RPS6KA3: variants seen among roughly 807,000 people sequenced by gnomAD.
RPS6KA3 encodes the protein ribosomal protein S6 kinase A3, also known as ribosomal protein S6 kinase alpha-3.
Under a neutral mutation model 67.2 loss-of-function variants are expected in RPS6KA3, and 4 were observed. That is an observed-to-expected ratio of 0.06 (90% CI 0.03 to 0.14). RPS6KA3 has a LOEUF of 0.14. Ranked by LOEUF, RPS6KA3 falls within the 10% of genes least tolerant of loss-of-function variation. The pLI, the probability that RPS6KA3 is intolerant of heterozygous loss-of-function variation, is 1.00. For synonymous variants in RPS6KA3, 182 were observed against 183.7 expected, an observed-to-expected ratio of 0.99 and a Z score of 0.07; for missense variants, 204 against 559.0, an observed-to-expected ratio of 0.36 and a Z score of 6.40.
chrX:20,178,862 A>C (rs1569207674), intron 10 of RPS6KA3, among the ~76,000 whole-genome samples: 1 of 109,945 alleles, frequency 9.1e-6, no homozygotes, highest in Non-Finnish European at 1.9e-5. Context: ...ATCTGGGGAA[A>C]CACTATTGTA....
chrX:20,162,760 T>C (rs2067337058), intron 19 of RPS6KA3, among the ~76,000 whole-genome samples: 1 of 110,995 alleles, frequency 9.0e-6, no homozygotes, highest in Non-Finnish European at 1.9e-5. Flanking sequence ...GGTGAGAGGA[T>C]TGCTTGAGCC....
At chrX:20,214,773 G>A (rs1235116409) in intron 2 of RPS6KA3, among the ~76,000 whole-genome samples, 2 of 109,338 alleles carry the variant, frequency 1.8e-5, no homozygotes, top group Non-Finnish European at 3.8e-5. Flanking sequence ...AATATTGTAC[G>A]TCTGAAATGG....
intron 3 of RPS6KA3, among the ~76,000 whole-genome samples, chrX:20,205,155 TA>T (rs1425083649): frequency 8.0e-5 from 9 of 112,480 alleles, no homozygotes; most frequent in Non-Finnish European, 1.3e-4. Flanking sequence ...GGTCATTCTA[TA>T]ACATGGCTAA....
rs201276916 is a variant in RPS6KA3, at chrX:20,187,866, T to C, written c.736A>G (p.Thr246Ala). The change falls in exon 9 of 22, where the codon ACT becomes GCT. Residue 246 changes from threonine to alanine, a missense_variant. Around this residue, in one of 4 missense-constraint regions of RPS6KA3, gnomAD observed 76 missense variants for 250.3 expected, o/e 0.30. Coordinates refer to ENST00000379565, the MANE Select transcript of RPS6KA3 (RefSeq NM_004586.3). ...APEVVNRRGH[T>A]QSADWWSFGV... ...AAAGACCACCAGTCAGCACTCTGAG[T>C]ATGACCTCGACGATTAACTACTTCT... is the stretch of plus-strand genomic sequence containing the variant. 8 of 1,206,674 alleles carry C rather than the reference T, an allele frequency of 6.6e-6. No individual in the cohort carries two copies. The highest frequency in any genetic ancestry group is 4.6e-4 in the Middle Eastern group (2 of 4,338).
chrX:20,245,125 C>CACTA (rs2069650221), intron 1 of RPS6KA3, among the ~76,000 whole-genome samples: 1 of 111,890 alleles, frequency 8.9e-6, no homozygotes, highest in African/African-American at 3.2e-5. Flanking sequence ...GAAAGTCTGC[C>CACTA]ACTAACTGTG....
At chrX:20,169,557 G>A in intron 15 of RPS6KA3, 66 bp from the exon 16 acceptor site, 2 of 666,427 alleles carry the variant, frequency 3.0e-6, no homozygotes, top group Non-Finnish European at 5.0e-6. Context: ...ATTGTTTATA[G>A]CTACAGACCT....
At position 20,240,285 on chromosome X, in the gene RPS6KA3, CTTTTTTTTT is replaced by C. The variant is rs778713587; in HGVS notation, c.70-5480_70-5472del. Among the ~76,000 whole-genome samples the C allele has an allele frequency of 4.6e-4, 25 of 54,364 alleles. 1 individual carries two copies. Among genetic ancestry groups the C allele is most frequent in the Admixed American group, 4.2e-3 (19 of 4,501 alleles). 47.2% of individuals were successfully genotyped at this position (54,364 alleles called of 115,157 possible). A position where few individuals can be genotyped will look rare whatever the true frequency, so the allele number is the denominator to read the frequency against. Reference sequence around the variant, plus strand: ...GCTGTAGGAATGAACAAGGACCATACTTTTTTTTTTTTTTTTTTTTTTTTTTTTACCACC... The same window carrying C: ...GCTGTAGGAATGAACAAGGACCATACTTTTTTTTTTTTTTTTTTTACCACC... On this transcript the variant is annotated intron_variant, in intron 1 of 21. Transcript: ENST00000379565.
At chrX:20,172,914 T>C in intron 14 of RPS6KA3, 43 bp from the exon 15 acceptor site, 1 of 1,135,606 alleles carries the variant, frequency 8.8e-7, no homozygotes, top group Non-Finnish European at 1.2e-6. Context: ...ATAATGCCTT[T>C]AGTGCATTTT....
At chrX:20,210,429 ATT>A (rs1030288026) in intron 2 of RPS6KA3, among the ~76,000 whole-genome samples, 1 of 111,989 alleles carries the variant, frequency 8.9e-6, no homozygotes, top group Non-Finnish European at 1.9e-5. Context: ...TAACTAATCC[ATT>A]GTTTTTGTTA....
chrX:20,216,618 G>A (rs2068858507), intron 2 of RPS6KA3, among the ~76,000 whole-genome samples: 1 of 110,593 alleles, frequency 9.0e-6, no homozygotes, highest in African/African-American at 3.3e-5. Context: ...AGAAGTCAGG[G>A]CAGGCTTTAT....
chrX:20,175,168 A>G lies in RPS6KA3; in HGVS notation c.1223T>C (p.Val408Ala). 1 of 1,206,926 alleles carries G rather than the reference A, an allele frequency of 8.3e-7. No individual in the cohort carries two copies. Among genetic ancestry groups the G allele is most frequent in the Non-Finnish European group, 1.1e-6 (1 of 890,782 alleles). The change falls in exon 14 of 22, where the codon GTT (valine) becomes GCT (alanine). Residue 408 changes from valine to alanine, a missense_variant. Val to Ala is a moderately conservative substitution (Grantham distance 64). Around this residue, in one of 4 missense-constraint regions of RPS6KA3, gnomAD observed 24 missense variants for 25.1 expected, o/e 0.96. Transcript: ENST00000379565. ...ATTATTTAGACATCCACTCACCTGA[A>G]CAATTGAATGTACACCAACTGTCTG... is the stretch of plus-strand genomic sequence containing the variant. The part of the protein sequence containing the change: ...AMQTVGVHSI[V>A]QQLHRNSIQF...
intron 20 of RPS6KA3, among the ~76,000 whole-genome samples, chrX:20,157,340 A>AT (rs11318737): frequency 7.0e-5 from 7 of 99,916 alleles, no homozygotes; most frequent in African/African-American, 1.1e-4. Context: ...TGTATCTACA[A>AT]TTTTTTTTTT....
At chrX:20,180,314 C>T (rs140188268) in intron 10 of RPS6KA3, among the ~76,000 whole-genome samples, 371 of 110,368 alleles carry the variant, frequency 3.4e-3, no homozygotes, top group African/African-American at 0.012. Flanking sequence ...AGGGACCACA[C>T]GGTATTAGCT....
At chrX:20,182,064 T>A (rs1370267329) in intron 10 of RPS6KA3, among the ~76,000 whole-genome samples, 3 of 111,289 alleles carry the variant, frequency 2.7e-5, no homozygotes, top group African/African-American at 9.8e-5. Context: ...TTATATTGTG[T>A]AGAATAATAT....
chrX:20,195,242 T>G, intron 4 of RPS6KA3, 97 bp from the exon 5 acceptor site: 1 of 538,503 alleles, frequency 1.9e-6, no homozygotes, highest in Non-Finnish European at 3.2e-6. Flanking sequence ...AAATTTTGCT[T>G]ATGTGTATTA....
At chrX:20,237,286 T>C (rs144454860) in intron 1 of RPS6KA3, among the ~76,000 whole-genome samples, 2,846 of 111,455 alleles carry the variant, frequency 0.026, 51 homozygotes, top group Middle Eastern at 0.055. Flanking sequence ...TAAACAGTTA[T>C]CTTTCTGTAA....
intron 2 of RPS6KA3, among the ~76,000 whole-genome samples, chrX:20,211,009 A>C (rs1296763857): frequency 9.0e-6 from 1 of 110,691 alleles, no homozygotes; most frequent in Non-Finnish European, 1.9e-5. Flanking sequence ...TAAAAAAAAA[A>C]AAAAAACCTT....
chrX:20,159,439 T>C (rs1475213104), intron 20 of RPS6KA3, among the ~76,000 whole-genome samples: 1 of 112,532 alleles, frequency 8.9e-6, no homozygotes, highest in Non-Finnish European at 1.9e-5. Context: ...CCCAGATTGA[T>C]AGAGCCCTCC....
rs1041998795 is a variant in RPS6KA3, at chrX:20,155,205, G to A, written c.*193C>T. 8 of 497,675 alleles carry A rather than the reference G, an allele frequency of 1.6e-5. No homozygotes were observed. In the Admixed American group the frequency reaches 2.1e-4, roughly 13 times the overall value. 41.0% of individuals were successfully genotyped at this position (497,675 alleles called of 1,213,427 possible). On this transcript the variant is annotated 3_prime_UTR_variant, in exon 22 of 22. Coordinates refer to ENST00000379565, the MANE Select transcript of RPS6KA3 (RefSeq NM_004586.3). ...CATTTTCATTTCTTCCGAAGCTCCAGGAAAATCTAACTTGCTAACAATCAT... is the reference window on the plus strand; with the variant it reads ...CATTTTCATTTCTTCCGAAGCTCCAAGAAAATCTAACTTGCTAACAATCAT...
Sources: allele counts gnomAD v4.1 joint callset (sites outside exome capture counted in the v4.1 genomes callset), GRCh38; gene constraint gnomAD v4.1.1; regional missense constraint gnomAD v4.1.1; transcripts MANE v1.5; gene names NCBI Gene and HGNC (gene_info 2026-07-23, HGNC 2026-07-21).